Variants in WDR26 observed in about 807,000 individuals in gnomAD.
The protein encoded by WDR26 is WD repeat domain 26.
A neutral mutation model predicts 84.1 loss-of-function variants in WDR26; 5 were observed. The ratio of observed to expected loss-of-function variants is 0.06; its 90% confidence interval spans 0.03 to 0.13. WDR26 has a LOEUF of 0.13. WDR26 is among the 10% of genes least tolerant of loss of function. The pLI is 1.00. For synonymous variants in WDR26, 415 were observed against 389.6 expected (o/e 1.07, Z -0.77); for missense variants, 642 against 974.9 (o/e 0.66, Z 4.55).
rs12745610 is a variant in WDR26 at position 224,385,899 on chromosome 1, C to T, written c.*3936G>A. ...GCACTTCACATGTGCACGAGACTTT[C>T]AGTAAAAATGACAAGATCCTAGAAC... On this transcript the variant is annotated 3_prime_UTR_variant, in exon 14 of 14. Transcript: ENST00000414423. 0.29 allele frequency: 43,744 copies of T among 152,114 alleles called. 7,899 individuals are homozygous for T. The highest frequency in any genetic ancestry group is 0.5 in the African/African-American group (20,866 of 41,408). 9.4% of individuals were successfully genotyped at this position (152,114 alleles called of 1,614,324 possible). A position where few individuals can be genotyped will look rare whatever the true frequency, so the allele number is the denominator to read the frequency against.
In WDR26 at chr1:224,416,786, A is replaced by T. The variant is rs538613366; in HGVS notation, c.1319+1474T>A. Among the ~76,000 whole-genome samples the T allele has an allele frequency of 2.5e-4, 38 of 152,364 alleles. No homozygotes were observed. The East Asian group carries it at 6.9e-3, about 28-fold the overall frequency. On this transcript the variant is annotated intron_variant, in intron 6 of 13. Transcript: ENST00000414423. ...AACCAAAAAAAGATTTGGGTTCACA[A>T]GCGTCTTAATTTTAACACTGTTCTC...
In WDR26 at chr1:224,431,787, G is replaced by A. The variant is rs1207683790; in HGVS notation, c.723-6C>T. 1 of 1,605,648 alleles carries A rather than the reference G, an allele frequency of 6.2e-7. No homozygotes were observed. Among genetic ancestry groups the A allele is most frequent in the East Asian group, 2.2e-5 (1 of 44,656 alleles). ...TGAGGAGATCAACAGTCTGGCTGCA[G>A]GAAAGATACAGTGTAAAACAGACCT... On this transcript the variant is annotated splice_polypyrimidine_tract_variant and splice_region_variant and intron_variant, in intron 1 of 13. Coordinates refer to ENST00000414423, the MANE Select transcript of WDR26 (RefSeq NM_001379403.1).
chr1:224,407,742 C>A (rs1211399889), intron 7 of WDR26, among the ~76,000 whole-genome samples: 1 of 151,998 alleles, frequency 6.6e-6, no homozygotes, highest in African/African-American at 2.4e-5. Flanking sequence ...CTTCTGACCT[C>A]AGGTGACTCA....
chr1:224,385,361 G>A lies in WDR26; in HGVS notation c.*4474C>T, dbSNP rs1672959592. The A allele has an allele frequency of 6.6e-6, 1 of 152,118 alleles. No homozygotes were observed. The highest frequency in any genetic ancestry group is 2.1e-4 in the South Asian group (1 of 4,826). The allele number at this position is 152,118 out of a possible 1,614,324, so 9.4% of individuals were successfully genotyped here. A position where few individuals can be genotyped will look rare whatever the true frequency, so the allele number is the denominator to read the frequency against. The stretch of plus-strand genomic sequence containing the variant: ...ACAAAGGGTGTTTTGTAAATAATTA[G>A]TAAACAAGTGAAAATAAATATCAGA... On this transcript the variant is annotated 3_prime_UTR_variant, in exon 14 of 14. Transcript: ENST00000414423.
In WDR26 at chr1:224,415,453, C is replaced by CTTTTTTTTT. The variant is rs149995544; in HGVS notation, c.1319+2798_1319+2806dup. Reference sequence around the variant, plus strand: ...ACAATTCTGGAACACGTATTTCTTTCTTTTTTTTTTTTTTTTTTTTTTTTT... The same window carrying CTTTTTTTTT: ...ACAATTCTGGAACACGTATTTCTTTCTTTTTTTTTTTTTTTTTTTTTTTTTTTTTTTTTT... On this transcript the variant is annotated intron_variant, in intron 6 of 13. Coordinates refer to ENST00000414423, the MANE Select transcript of WDR26 (RefSeq NM_001379403.1). 3.8e-3 allele frequency among the ~76,000 whole-genome samples: 316 copies of CTTTTTTTTT among 82,306 alleles called. 30 individuals are homozygous for CTTTTTTTTT. Among genetic ancestry groups the CTTTTTTTTT allele is most frequent in the African/African-American group, 0.013 (269 of 20,552 alleles). The allele number at this position is 82,306 out of a possible 152,430, so 54.0% of individuals were successfully genotyped here.
intron 13 of WDR26, among the ~76,000 whole-genome samples, chr1:224,392,155 A>T (rs1315554540): frequency 6.6e-6 from 1 of 152,064 alleles, no homozygotes; most frequent in Non-Finnish European, 1.5e-5. Flanking sequence ...AGGTCAGGAG[A>T]TCGAGACCAT....
intron 3 of WDR26, chr1:224,430,672 AG>A (rs1174867003): frequency 6.6e-6 from 1 of 152,210 alleles, no homozygotes; most frequent in East Asian, 1.9e-4. Flanking sequence ...ACCCCCAGAC[AG>A]GAAACTGCTT....
At chr1:224,403,440 T>A (rs1572172360) in intron 8 of WDR26, among the ~76,000 whole-genome samples, 1 of 152,232 alleles carries the variant, frequency 6.6e-6, no homozygotes, top group African/African-American at 2.4e-5. Context: ...ACATAGATCA[T>A]CATTGTCCTA....
rs1283612397 is a variant in WDR26 at position 224,424,832 on chromosome 1, A to AC, written c.928-179dup. The AC allele has an allele frequency of 1.7e-5, 12 of 699,516 alleles. 1 individual carries two copies. The African/African-American group carries it at 2.2e-4, about 13-fold the overall frequency. 43.3% of individuals were successfully genotyped at this position (699,516 alleles called of 1,614,324 possible). A position where few individuals can be genotyped will look rare whatever the true frequency, so the allele number is the denominator to read the frequency against. Reference sequence around the variant, plus strand: ...GTAGAGCCACAGTAGATTAAATGTGACTTTGCTCAATTCCACATCTTACTA... The same window carrying AC: ...GTAGAGCCACAGTAGATTAAATGTGACCTTTGCTCAATTCCACATCTTACTA... On this transcript the variant is annotated intron_variant, in intron 3 of 13. Coordinates refer to ENST00000414423, the MANE Select transcript of WDR26 (RefSeq NM_001379403.1).
At chr1:224,424,494 A>C in intron 4 of WDR26, 24 bp downstream of exon 4, 2 of 1,611,504 alleles carry the variant, frequency 1.2e-6, no homozygotes, top group Middle Eastern at 3.3e-4. Flanking sequence ...CATTAACCTG[A>C]GTTCAAGAAC....
In WDR26 at chr1:224,398,865, T is replaced by C. The variant is rs1420055423; in HGVS notation, c.1865+24A>G. 1.9e-6 allele frequency: 3 copies of C among 1,611,646 alleles called. No homozygotes were observed. In the East Asian group the frequency reaches 6.7e-5, roughly 36 times the overall value. On this transcript the variant is annotated intron_variant, in intron 10 of 13. Coordinates refer to ENST00000414423, the MANE Select transcript of WDR26 (RefSeq NM_001379403.1). ...TGAATATAAATCAGGTAATTGTTGT[T>C]TAATGGAAACAAAAAATAGTTACAT...
intron 6 of WDR26, among the ~76,000 whole-genome samples, chr1:224,413,923 C>G (rs1673814218): frequency 1.3e-5 from 2 of 152,176 alleles, no homozygotes; most frequent in South Asian, 4.1e-4. Flanking sequence ...GATTCTCCTG[C>G]CTCAGCCTCC....
chr1:224,398,061 T>C, intron 12 of WDR26, 36 bp downstream of exon 12: 1 of 1,594,516 alleles, frequency 6.3e-7, no homozygotes, highest in South Asian at 1.2e-5. Context: ...CAGACTTTAA[T>C]ATCAACATAT....
chr1:224,416,644 A>G (rs1025868548), intron 6 of WDR26, among the ~76,000 whole-genome samples: 4 of 152,196 alleles, frequency 2.6e-5, no homozygotes, highest in African/African-American at 9.7e-5. Flanking sequence ...ATGTTAAAAC[A>G]CTTTGGTCAT....
chr1:224,401,690 G>GAAAAAAAAAAAAAAAAA, intron 8 of WDR26, among the ~76,000 whole-genome samples: 1 of 84,054 alleles, frequency 1.2e-5, no homozygotes, highest in African/African-American at 4.4e-5. Flanking sequence ...AAAAAAAAAA[G>GAAAAAAAAAAAAAAAAA]AAAAAAAAAA....
chr1:224,407,965 T>C (rs1273320626), intron 7 of WDR26, among the ~76,000 whole-genome samples: 1 of 152,234 alleles, frequency 6.6e-6, no homozygotes, highest in East Asian at 1.9e-4. Context: ...CATATTGGAA[T>C]GTAAGCATTA....
At chr1:224,413,218 C>CAAA in intron 6 of WDR26, 2 of 845,666 alleles carry the variant, frequency 2.4e-6, no homozygotes, top group Non-Finnish European at 3.0e-6. Flanking sequence ...CCCCCCCCCC[C>CAAA]AAAAAAAACG....
At position 224,434,717 on chromosome 1, in the gene WDR26, G is replaced by A. The variant is rs1674560670; in HGVS notation, c.-312C>T. The A allele has an allele frequency of 6.1e-6, 6 of 975,846 alleles. No homozygotes were observed. Among genetic ancestry groups the A allele is most frequent in the Non-Finnish European group, 7.3e-6 (6 of 821,742 alleles). 60.4% of individuals were successfully genotyped at this position (975,846 alleles called of 1,614,324 possible). On this transcript the variant is annotated 5_prime_UTR_variant, in exon 1 of 14. Coordinates refer to ENST00000414423, the MANE Select transcript of WDR26 (RefSeq NM_001379403.1). ...GCGGCGGCGGCGGCGGGCGGCAGCG[G>A]AGGCAGCTGCCGCCTCTGTCCTCGG...
In WDR26 at chr1:224,419,597, A is replaced by G. The variant is rs377520158; in HGVS notation, c.1083T>C (p.His361=). The change falls in exon 5 of 14, where the codon CAT becomes CAC. Residue 361 remains histidine (H), a synonymous_variant. Coordinates refer to ENST00000414423, the MANE Select transcript of WDR26 (RefSeq NM_001379403.1). ...CTGCTTTTGCACGTAGGTCTTCTGCATGGCTACACATCAGATACCTAAAAA... is the reference window on the plus strand; with the variant it reads ...CTGCTTTTGCACGTAGGTCTTCTGCGTGGCTACACATCAGATACCTAAAAA... 1.5e-5 allele frequency: 24 copies of G among 1,613,422 alleles called. No homozygotes were observed. The highest frequency in any genetic ancestry group is 6.7e-5 in the East Asian group (3 of 44,874).
Sources: gnomAD v4.1 joint callset for allele counts (sites outside exome capture counted in the v4.1 genomes callset) on GRCh38, gnomAD v4.1.1 for gene constraint, MANE v1.5 for transcripts, NCBI Gene and HGNC (gene_info 2026-07-23, HGNC 2026-07-21) for gene names.